The following KCNMA1 variants were observed in gnomAD, a reference collection of about 807,000 sequenced individuals.
The protein encoded by KCNMA1 is potassium calcium-activated channel subfamily M alpha 1.
Under a neutral mutation model 140.0 loss-of-function variants are expected in KCNMA1, and 29 were observed. The ratio of observed to expected loss-of-function variants is 0.21; its 90% CI spans 0.15 to 0.28. The LOEUF (loss-of-function observed/expected upper bound fraction) is 0.28, where lower values mean the gene tolerates loss of function less well. KCNMA1 is among the 10% of genes least tolerant of loss of function. The pLI is 1.00. For synonymous variants in KCNMA1, 612 were observed against 611.9 expected (o/e 1.00, Z 0.00); for missense variants, 880 against 1,602.2 (o/e 0.55, Z 7.70).
rs147091712 is a variant in KCNMA1 at position 77,506,823 on chromosome 10, AAG to A, written c.379-102802_379-102801del. On this transcript the variant is annotated intron_variant, in intron 1 of 27. Transcript: ENST00000286628. ...AGAAAGATGTTCCGAGAGAGAGAGA[AAG>A]AGAGAGAGAGAGAGAGTGTGTGTGT... is the stretch of plus-strand genomic sequence containing the variant. Among the ~76,000 whole-genome samples the A allele has an allele frequency of 4.8e-4, 43 of 89,094 alleles. No individual in the cohort carries two copies. In the East Asian group the frequency reaches 6.3e-3, roughly 13 times the overall value. The allele number at this position is 89,094 out of a possible 152,430, so 58.4% of individuals were successfully genotyped here. A position where few individuals can be genotyped will look rare whatever the true frequency, so the allele number is the denominator to read the frequency against.
intron 2 of KCNMA1, among the ~76,000 whole-genome samples, chr10:77,299,004 G>A (rs965731949): frequency 6.6e-6 from 1 of 152,198 alleles, no homozygotes; most frequent in African/African-American, 2.4e-5. Flanking sequence ...AACTGATTTT[G>A]TTGTTGTTGT....
intron 17 of KCNMA1, among the ~76,000 whole-genome samples, chr10:77,017,381 G>A (rs1460095132): frequency 6.6e-6 from 1 of 152,154 alleles, no homozygotes; most frequent in Non-Finnish European, 1.5e-5. Flanking sequence ...TTGGAGCACA[G>A]GGAGAGGGAA....
chr10:77,615,186 G>A (rs1243181549), intron 1 of KCNMA1, among the ~76,000 whole-genome samples: 1 of 152,162 alleles, frequency 6.6e-6, no homozygotes, highest in African/African-American at 2.4e-5. Context: ...AGGAGGGCTG[G>A]GTCTGGAGCC....
chr10:77,636,738 C>T, intron 1 of KCNMA1: 1 of 1,490,878 alleles, frequency 6.7e-7, no homozygotes, highest in Non-Finnish European at 8.9e-7. Flanking sequence ...TTCCCTTGTG[C>T]AAAATTATTC....
chr10:77,096,283 T>G (rs868112646), intron 9 of KCNMA1, among the ~76,000 whole-genome samples: 1 of 152,104 alleles, frequency 6.6e-6, no homozygotes, highest in Non-Finnish European at 1.5e-5. Context: ...GTCACTAAAA[T>G]GAAGAGGCCC....
chr10:77,429,568 G>A (rs1162815628), intron 1 of KCNMA1, among the ~76,000 whole-genome samples: 1 of 152,138 alleles, frequency 6.6e-6, no homozygotes, highest in African/African-American at 2.4e-5. Context: ...GTATTCTATG[G>A]TCAACTAAGT....
At chr10:77,328,259 T>A (rs1431099382) in intron 2 of KCNMA1, among the ~76,000 whole-genome samples, 1 of 152,250 alleles carries the variant, frequency 6.6e-6, no homozygotes, top group Non-Finnish European at 1.5e-5. Flanking sequence ...CATTTAATGA[T>A]GCTGAAGAAC....
intron 14 of KCNMA1, among the ~76,000 whole-genome samples, chr10:77,055,611 G>A (rs1192038024): frequency 6.6e-6 from 1 of 152,024 alleles, no homozygotes; most frequent in Admixed American, 6.5e-5. Flanking sequence ...AAGATTAAAG[G>A]AGATAGGAGA....
At chr10:77,228,124 C>T (rs1265896773) in intron 3 of KCNMA1, among the ~76,000 whole-genome samples, 1 of 152,004 alleles carries the variant, frequency 6.6e-6, no homozygotes, top group Non-Finnish European at 1.5e-5. Context: ...GCCACCACGC[C>T]TGGCTAATTT....
chr10:77,509,924 T>C (rs1257387199), intron 1 of KCNMA1, among the ~76,000 whole-genome samples: 1 of 152,048 alleles, frequency 6.6e-6, no homozygotes, highest in African/African-American at 2.4e-5. Context: ...ACACCAACTC[T>C]ATGGCAAGTG....
At chr10:77,079,006 C>T (rs2096484465) in intron 13 of KCNMA1, among the ~76,000 whole-genome samples, 1 of 152,182 alleles carries the variant, frequency 6.6e-6, no homozygotes, top group Non-Finnish European at 1.5e-5. Context: ...CGTGGTGGCT[C>T]ATGCCTGTAA....
intron 1 of KCNMA1, among the ~76,000 whole-genome samples, chr10:77,486,749 G>C (rs2098465506): frequency 6.6e-6 from 1 of 152,230 alleles, no homozygotes. Context: ...CTGGCCCCGG[G>C]CAAAGCCCAA....
intron 2 of KCNMA1, among the ~76,000 whole-genome samples, chr10:77,329,395 C>G (rs1262305582): frequency 2.0e-5 from 3 of 152,158 alleles, no homozygotes; most frequent in African/African-American, 7.2e-5. Context: ...AATGAGACTA[C>G]TGTCTTTAAA....
intron 1 of KCNMA1, among the ~76,000 whole-genome samples, chr10:77,486,912 T>A (rs983381771): frequency 2.0e-5 from 3 of 152,196 alleles, no homozygotes; most frequent in African/African-American, 7.2e-5. Flanking sequence ...CTTCTCCCTC[T>A]GCAGAAAGGG....
intron 2 of KCNMA1, among the ~76,000 whole-genome samples, chr10:77,336,697 A>T (rs778816141): frequency 9.2e-5 from 14 of 152,216 alleles, no homozygotes; most frequent in Non-Finnish European, 1.6e-4. Flanking sequence ...GACTGATGGC[A>T]TTGGGAGCTG....
chr10:77,146,701 CAAAAAAAAAAAAAAAA>C (rs5786266), intron 5 of KCNMA1, among the ~76,000 whole-genome samples: 5 of 64,182 alleles, frequency 7.8e-5, no homozygotes, highest in South Asian at 9.5e-4. Context: ...GACTTCATCT[CAAAAAAAAAAAAAAAA>C]AAAAAAAAAA....
intron 3 of KCNMA1, 52 bp downstream of exon 3, chr10:77,251,143 G>T: frequency 1.5e-6 from 2 of 1,371,608 alleles, no homozygotes; most frequent in Non-Finnish European, 2.1e-6. Context: ...TCAATGTAAA[G>T]GCTCATGATT....
chr10:76,885,773 CTGACAACTATATG>C lies in KCNMA1; in HGVS notation c.*1480_*1492del, dbSNP rs1489901073. ...AGCATGATTTGCATGCACAAAGCAT[CTGACAACTATATG>C]TTGAAAAAAGGGTATTTTTCTACCT... On this transcript the variant is annotated 3_prime_UTR_variant, in exon 28 of 28. Coordinates refer to ENST00000286628, the MANE Select transcript of KCNMA1 (RefSeq NM_001161352.2). 10 of 985,262 alleles carry C rather than the reference CTGACAACTATATG, an allele frequency of 1.0e-5. No homozygotes were observed. Among genetic ancestry groups the C allele is most frequent in the African/African-American group, 1.7e-5 (1 of 57,332 alleles). The allele number at this position is 985,262 out of a possible 1,614,324, so 61.0% of individuals were successfully genotyped here.
At chr10:77,172,386 C>G (rs755954989) in intron 5 of KCNMA1, among the ~76,000 whole-genome samples, 1 of 152,146 alleles carries the variant, frequency 6.6e-6, no homozygotes, top group South Asian at 2.1e-4. Flanking sequence ...GATTTAGAAT[C>G]TCTACTTACG....
Sources: gnomAD v4.1 joint callset for allele counts (sites outside exome capture counted in the v4.1 genomes callset) on GRCh38, gnomAD v4.1.1 for gene constraint, MANE v1.5 for transcripts, NCBI Gene and HGNC (gene_info 2026-07-23, HGNC 2026-07-21) for gene names.